Variants in MAST4 observed in about 807,000 individuals in gnomAD.
MAST4 encodes microtubule associated serine/threonine kinase family member 4, also known as microtubule-associated serine/threonine-protein kinase 4.
MAST4 carries 89 observed loss-of-function variants against 162.7 expected under a neutral mutation model. That is an observed-to-expected ratio of 0.55 (90% CI 0.46 to 0.65). The LOEUF (loss-of-function observed/expected upper bound fraction) is 0.65. Among genes scored for constraint, MAST4 ranks in the 30% least tolerant of loss-of-function variants. The pLI is 0.00. For missense variants in MAST4, 3,153 were observed against 3,374.0 expected (o/e 0.93, Z 1.62); for synonymous variants, 1,479 against 1,361.1 (o/e 1.09, Z -1.91).
chr5:66,690,511 T>G (rs192449794), intron 1 of MAST4, among the ~76,000 whole-genome samples: 5 of 152,260 alleles, frequency 3.3e-5, no homozygotes, highest in Non-Finnish European at 5.9e-5. Flanking sequence ...TGGCTAGCAG[T>G]TTTTGGAAGA....
intron 1 of MAST4, among the ~76,000 whole-genome samples, chr5:66,670,911 T>G: frequency 6.6e-6 from 1 of 152,226 alleles, no homozygotes; most frequent in Non-Finnish European, 1.5e-5. Flanking sequence ...CCTTTCGCTC[T>G]GAAGTGTCCC....
chr5:67,130,499 C>G, intron 15 of MAST4, 81 bp downstream of exon 15: 1 of 1,394,074 alleles, frequency 7.2e-7, no homozygotes, highest in Non-Finnish European at 9.9e-7. Context: ...GTATTTGTGC[C>G]ACATAATGGC....
intron 4 of MAST4, among the ~76,000 whole-genome samples, chr5:66,995,983 A>C (rs1750594286): frequency 6.6e-6 from 1 of 152,064 alleles, no homozygotes; most frequent in African/African-American, 2.4e-5. Flanking sequence ...ATGTTCATTA[A>C]AAATACTTTG....
intron 1 of MAST4, among the ~76,000 whole-genome samples, chr5:66,746,678 T>G (rs1050590663): frequency 2.9e-4 from 44 of 152,196 alleles, no homozygotes; most frequent in Non-Finnish European, 1.6e-4. Context: ...TCTTTAGTTA[T>G]GTTGCTGATG....
intron 1 of MAST4, among the ~76,000 whole-genome samples, chr5:66,667,964 T>C (rs1176885945): frequency 6.6e-6 from 1 of 152,232 alleles, no homozygotes; most frequent in East Asian, 1.9e-4. Context: ...GCCTTATTTA[T>C]TGAATCATTT....
At chr5:67,010,178 A>T (rs1255048935) in intron 4 of MAST4, among the ~76,000 whole-genome samples, 1 of 152,194 alleles carries the variant, frequency 6.6e-6, no homozygotes, top group Non-Finnish European at 1.5e-5. Context: ...CCAAACGTGT[A>T]TCCCATGCTG....
chr5:66,874,754 A>G (rs1761180943), intron 3 of MAST4, among the ~76,000 whole-genome samples: 1 of 152,226 alleles, frequency 6.6e-6, no homozygotes, highest in Admixed American at 6.5e-5. Flanking sequence ...AATGATAACA[A>G]GGTTTCTAAA....
intron 1 of MAST4, among the ~76,000 whole-genome samples, chr5:66,597,436 C>T (rs1742263482): frequency 6.6e-6 from 1 of 152,064 alleles, no homozygotes. Flanking sequence ...GAAATGGTGC[C>T]TTGGGGGTAA....
At chr5:66,990,965 T>C (rs749972105) in intron 4 of MAST4, among the ~76,000 whole-genome samples, 3 of 152,188 alleles carry the variant, frequency 2.0e-5, no homozygotes, top group Non-Finnish European at 4.4e-5. Context: ...TCAGAATTAT[T>C]TGAGTGAAAG....
intron 4 of MAST4, among the ~76,000 whole-genome samples, chr5:66,920,712 A>G (rs936724942): frequency 1.7e-4 from 26 of 152,054 alleles, no homozygotes; most frequent in African/African-American, 6.0e-4. Context: ...GCTGGCCTCG[A>G]ACTCCCTACC....
intron 10 of MAST4, among the ~76,000 whole-genome samples, chr5:67,106,072 G>C (rs2150879791): frequency 6.6e-6 from 1 of 152,122 alleles, no homozygotes; most frequent in South Asian, 2.1e-4. Flanking sequence ...TATTGTTCTT[G>C]GGACATCTCT....
rs1324748701 is a variant in MAST4, at chr5:67,153,446, C to G, written c.3526-12C>G. 6.2e-6 allele frequency: 10 copies of G among 1,600,394 alleles called. No homozygotes were observed. Among genetic ancestry groups the G allele is most frequent in the Non-Finnish European group, 8.5e-6 (10 of 1,173,378 alleles). On this transcript the variant is annotated splice_polypyrimidine_tract_variant and intron_variant, in intron 25 of 28. Coordinates refer to ENST00000403625, the MANE Select transcript of MAST4 (RefSeq NM_001164664.2). ...TGTTTGCCTACAAATATCCTCTCCT[C>G]TTGGACTTTAGAATGTAGAAGAAGG...
chr5:66,831,003 A>G (rs1757560613), intron 3 of MAST4, among the ~76,000 whole-genome samples: 1 of 152,164 alleles, frequency 6.6e-6, no homozygotes, highest in Non-Finnish European at 1.5e-5. Context: ...TCTGTGTATT[A>G]TTCTGTAAAA....
chr5:66,644,280 T>C (rs1745679862), intron 1 of MAST4, among the ~76,000 whole-genome samples: 1 of 152,186 alleles, frequency 6.6e-6, no homozygotes, highest in Admixed American at 6.5e-5. Flanking sequence ...TTCATTTCTC[T>C]GGGGATTATA....
At chr5:66,743,356 C>T (rs1307975657) in intron 1 of MAST4, among the ~76,000 whole-genome samples, 1 of 152,164 alleles carries the variant, frequency 6.6e-6, no homozygotes, top group Non-Finnish European at 1.5e-5. Flanking sequence ...GACTGGGAAT[C>T]CAGGTGGGGA....
intron 6 of MAST4, among the ~76,000 whole-genome samples, 194 bp from the exon 7 acceptor site, chr5:67,095,403 G>T (rs1264038277): frequency 6.6e-6 from 1 of 152,082 alleles, no homozygotes; most frequent in Non-Finnish European, 1.5e-5. Context: ...CTACTTGTTT[G>T]GTTGTATTGA....
intron 3 of MAST4, among the ~76,000 whole-genome samples, chr5:66,871,845 C>T (rs1208379458): frequency 6.6e-6 from 1 of 152,122 alleles, no homozygotes; most frequent in Non-Finnish European, 1.5e-5. Context: ...CATCAGATGT[C>T]CTGAGGGTAA....
chr5:67,100,172 C>A (rs1764876099), intron 7 of MAST4, among the ~76,000 whole-genome samples: 1 of 152,120 alleles, frequency 6.6e-6, no homozygotes, highest in Non-Finnish European at 1.5e-5. Flanking sequence ...TGGTTCCGAT[C>A]CATTTTCAGA....
At chr5:66,965,212 T>G (rs975743715) in intron 4 of MAST4, among the ~76,000 whole-genome samples, 13 of 150,738 alleles carry the variant, frequency 8.6e-5, no homozygotes, top group East Asian at 5.8e-4. Context: ...GAGTAGTTTT[T>G]TTTTTTTTTT....
Sources: gnomAD v4.1 joint callset for allele counts (sites outside exome capture counted in the v4.1 genomes callset) on GRCh38, gnomAD v4.1.1 for gene constraint, MANE v1.5 for transcripts, NCBI Gene and HGNC (gene_info 2026-07-23, HGNC 2026-07-21) for gene names.